Variants in SAMD4A observed in about 807,000 individuals in gnomAD.
SAMD4A encodes the protein sterile alpha motif domain containing 4A.
SAMD4A carries 33 observed loss-of-function variants against 81.3 expected under a neutral mutation model. The ratio of observed to expected loss-of-function variants is 0.41; its 90% CI spans 0.31 to 0.54. The LOEUF (loss-of-function observed/expected upper bound fraction) is 0.54, where lower values mean the gene tolerates loss of function less well. SAMD4A is among the 20% of genes least tolerant of loss of function. The pLI is 0.37. For missense variants in SAMD4A, 854 were observed against 951.1 expected, an observed-to-expected ratio of 0.90 and a Z score of 1.34; for synonymous variants, 389 against 382.1, an observed-to-expected ratio of 1.02 and a Z score of -0.21.
intron 3 of SAMD4A, among the ~76,000 whole-genome samples, chr14:54,717,778 C>T (rs1410803295): frequency 2.6e-5 from 4 of 151,818 alleles, no homozygotes; most frequent in Non-Finnish European, 5.9e-5. Flanking sequence ...ACTACAGATC[C>T]TAAATTCAAG....
intron 2 of SAMD4A, among the ~76,000 whole-genome samples, chr14:54,617,077 C>A (rs1048335829): frequency 6.6e-6 from 1 of 151,902 alleles, no homozygotes; most frequent in Non-Finnish European, 1.5e-5. Flanking sequence ...TATTTAAAAA[C>A]CATGGGATTT....
chr14:54,739,032 C>G (rs1297406358), intron 4 of SAMD4A, among the ~76,000 whole-genome samples: 1 of 116,784 alleles, frequency 8.6e-6, no homozygotes, highest in African/African-American at 3.7e-5. Context: ...CTTCCTTTTA[C>G]TTTGTTTTCT....
At chr14:54,626,059 TGCGCGCGCGCGCGC>T (rs113491666) in intron 2 of SAMD4A, among the ~76,000 whole-genome samples, 1,178 of 102,110 alleles carry the variant, frequency 0.012, 7 homozygotes, top group Non-Finnish European at 0.014. Flanking sequence ...TGTGTGTGTG[TGCGCGCGCGCGCGC>T]GCGAGTGCGC....
chr14:54,670,414 T>C (rs2035854898), intron 2 of SAMD4A, among the ~76,000 whole-genome samples: 1 of 152,182 alleles, frequency 6.6e-6, no homozygotes, highest in African/African-American at 2.4e-5. Flanking sequence ...TTCTTAACTC[T>C]TACAGAAAGC....
chr14:54,733,851 G>A (rs749084072), intron 3 of SAMD4A, among the ~76,000 whole-genome samples: 58 of 150,666 alleles, frequency 3.8e-4, no homozygotes, highest in Admixed American at 1.1e-3. Context: ...ACTTCTGCCC[G>A]AATGTCCATA....
intron 6 of SAMD4A, among the ~76,000 whole-genome samples, chr14:54,752,213 C>A (rs569737069): frequency 5.3e-5 from 8 of 152,320 alleles, no homozygotes. Context: ...CTAGACAGGT[C>A]CTCTTCTTAC....
At chr14:54,776,563 C>G (rs766334617) in intron 11 of SAMD4A, 23 bp downstream of exon 11, 1 of 1,529,668 alleles carries the variant, frequency 6.5e-7, no homozygotes, top group East Asian at 2.6e-5. Flanking sequence ...GCTTCATGTC[C>G]CCTTGACACA....
At chr14:54,743,850 G>T (rs1014667710) in intron 4 of SAMD4A, among the ~76,000 whole-genome samples, 1 of 152,222 alleles carries the variant, frequency 6.6e-6, no homozygotes, top group Non-Finnish European at 1.5e-5. Flanking sequence ...CTGGAACAGA[G>T]TTGGGCTGCT....
intron 2 of SAMD4A, among the ~76,000 whole-genome samples, chr14:54,623,989 TC>T (rs2034684671): frequency 6.6e-6 from 1 of 152,176 alleles, no homozygotes; most frequent in Non-Finnish European, 1.5e-5. Flanking sequence ...CTTTTTTTTT[TC>T]TTTTTGAGAT....
chr14:54,701,809 GC>G (rs2140742225), intron 2 of SAMD4A, among the ~76,000 whole-genome samples: 1 of 152,326 alleles, frequency 6.6e-6, no homozygotes, highest in South Asian at 2.1e-4. Flanking sequence ...AGTAGTTGTA[GC>G]TTTTTTGGAA....
chr14:54,789,058 C>A lies in SAMD4A; in HGVS notation c.*114C>A. ...CAAGATACTTTGCAGCCTTTTTTCC[C>A]CCTGGTCCCTCTCCCGTTTTGATTT... On this transcript the variant is annotated 3_prime_UTR_variant, in exon 13 of 13. Transcript: ENST00000554335. 1 of 1,180,906 alleles carries A rather than the reference C, an allele frequency of 8.5e-7. No individual in the cohort carries two copies. Among genetic ancestry groups the A allele is most frequent in the Non-Finnish European group, 1.3e-6 (1 of 793,368 alleles). The allele number at this position is 1,180,906 out of a possible 1,614,324, so 73.2% of individuals were successfully genotyped here.
At chr14:54,785,655 A>G (rs1206809540) in intron 12 of SAMD4A, among the ~76,000 whole-genome samples, 1 of 152,226 alleles carries the variant, frequency 6.6e-6, no homozygotes, top group African/African-American at 2.4e-5. Context: ...GTGGTGGGGA[A>G]AAGACTGCCA....
At chr14:54,766,427 C>A (rs1033597972) in intron 8 of SAMD4A, among the ~76,000 whole-genome samples, 1 of 152,162 alleles carries the variant, frequency 6.6e-6, no homozygotes, top group Admixed American at 6.5e-5. Flanking sequence ...GATGAGAAAG[C>A]CTCTGATAAG....
At chr14:54,727,165 C>CTTT (rs1457611492) in intron 3 of SAMD4A, among the ~76,000 whole-genome samples, 1 of 79,882 alleles carries the variant, frequency 1.3e-5, no homozygotes, top group Non-Finnish European at 3.0e-5. Flanking sequence ...TTCTTTTTTT[C>CTTT]CTTTTTTTTT....
chr14:54,750,075 C>A (rs180961419), intron 5 of SAMD4A, among the ~76,000 whole-genome samples: 3 of 152,154 alleles, frequency 2.0e-5, no homozygotes, highest in Admixed American at 6.5e-5. Context: ...CCTTGAAATC[C>A]CAGGGGTTGA....
intron 2 of SAMD4A, among the ~76,000 whole-genome samples, chr14:54,617,168 A>G (rs369969121): frequency 4.1e-4 from 62 of 152,312 alleles, no homozygotes; most frequent in African/African-American, 1.4e-3. Context: ...ATGAGAATAA[A>G]GGAGGGAAGA....
At chr14:54,687,261 C>T (rs765192642) in intron 2 of SAMD4A, 1 of 429,810 alleles carries the variant, frequency 2.3e-6, no homozygotes, top group South Asian at 1.7e-5. Context: ...TGGATCCTGC[C>T]CCTCCATGGG....
chr14:54,654,475 A>G (rs1056957283), intron 2 of SAMD4A, among the ~76,000 whole-genome samples: 1 of 152,200 alleles, frequency 6.6e-6, no homozygotes, highest in African/African-American at 2.4e-5. Flanking sequence ...ACCCCACACT[A>G]GGATTTTGTG....
At chr14:54,725,729 A>G (rs1488205732) in intron 3 of SAMD4A, among the ~76,000 whole-genome samples, 3 of 152,222 alleles carry the variant, frequency 2.0e-5, no homozygotes. Context: ...TGTGCATTAA[A>G]TGATTAGATT....
Sources: gnomAD v4.1 joint callset for allele counts (sites outside exome capture counted in the v4.1 genomes callset) on GRCh38, gnomAD v4.1.1 for gene constraint, MANE v1.5 for transcripts, NCBI Gene and HGNC (gene_info 2026-07-23, HGNC 2026-07-21) for gene names.